TTLL3: variants seen among roughly 807,000 people sequenced by gnomAD.
TTLL3 encodes the protein tubulin monoglycylase TTLL3.
In TTLL3, 63 loss-of-function variants were observed where a neutral mutation model predicts 75.2. The observed-to-expected ratio is 0.84, with a 90% CI of 0.68 to 1.03. TTLL3 has a LOEUF of 1.03. Ranked by LOEUF, TTLL3 falls within the 50% of genes least tolerant of loss-of-function variation. The pLI, the probability that TTLL3 is intolerant of heterozygous loss-of-function variation, is 0.00. For synonymous variants in TTLL3, 393 were observed against 418.5 expected, an observed-to-expected ratio of 0.94 and a Z score of 0.74; for missense variants, 997 against 1,069.9, an observed-to-expected ratio of 0.93 and a Z score of 0.95.
At chr3:9,819,196 G>T (rs3806667) in intron 7 of TTLL3, 404,192 of 465,906 alleles carry the variant, frequency 0.87, 176,285 homozygotes, top group Non-Finnish European at 0.9. Flanking sequence ...TGTTAATCTC[G>T]TCATTCATCT....
rs186651892 is a variant in TTLL3, at chr3:9,835,739, C to A, written c.*250C>A. On this transcript the variant is annotated 3_prime_UTR_variant, in exon 14 of 14. Coordinates refer to ENST00000685419, the MANE Select transcript of TTLL3 (RefSeq NM_001387446.1). ...CTGGGAGCCCCCCAACCCCAGAGAACAAGCCAAGCTAGCAGAATGACACCT... is the reference window on the plus strand; with the variant it reads ...CTGGGAGCCCCCCAACCCCAGAGAAAAAGCCAAGCTAGCAGAATGACACCT... 4.2e-6 allele frequency: 2 copies of A among 481,512 alleles called. No individual in the cohort carries two copies. The highest frequency in any genetic ancestry group is 3.4e-5 in the East Asian group (1 of 29,780). 29.8% of individuals were successfully genotyped at this position (481,512 alleles called of 1,614,324 possible).
intron 2 of TTLL3, among the ~76,000 whole-genome samples, chr3:9,812,041 C>T (rs917130172): frequency 3.3e-5 from 5 of 152,220 alleles, no homozygotes; most frequent in Admixed American, 6.5e-5. Flanking sequence ...GCCTCTGTTT[C>T]ATAGCCCGTA....
rs771068425 is a variant in TTLL3 at position 9,820,737 on chromosome 3, G to A, written c.850G>A (p.Val284Ile). ...SLFLQRYYQV[V>I]HEGAELRHLD... ...CTTCCTCCAGCGCTACTACCAAGTG[G>A]TCCAGTGAGTCCCCTGCAGCTGGGA... Residue 284 changes from valine (V) to isoleucine (I), a missense_variant, in exon 8 of 14, where the codon GTC becomes ATC. Physicochemically the swap from Val to Ile is conservative, Grantham distance 29. Transcript: ENST00000685419. The A allele has an allele frequency of 6.2e-7, 1 of 1,613,860 alleles. No homozygotes were observed. The highest frequency in any genetic ancestry group is 1.1e-5 in the South Asian group (1 of 91,072).
At chr3:9,819,802 G>T in intron 7 of TTLL3, 1 of 985,494 alleles carries the variant, frequency 1.0e-6, no homozygotes, top group Non-Finnish European at 1.2e-6. Flanking sequence ...GCTGTCTCTT[G>T]TGTGTGTCAT....
In TTLL3 at chr3:9,829,203, C is replaced by T. The variant is rs1341273313; in HGVS notation, c.1491C>T (p.Gly497=). The T allele has an allele frequency of 5.6e-6, 9 of 1,614,180 alleles. No homozygotes were observed. Among genetic ancestry groups the T allele is most frequent in the South Asian group, 2.2e-5 (2 of 91,088 alleles). The change falls in exon 11 of 14, where the codon GGC becomes GGT. Residue 497 remains glycine (G), a synonymous_variant. Coordinates refer to ENST00000685419, the MANE Select transcript of TTLL3 (RefSeq NM_001387446.1). ...QCRKASFELY[G]ADFVFGEDFQ... Reference sequence around the variant, plus strand: ...GGAAGGCCAGCTTTGAGCTCTATGGCGCTGACTTCGTGTTCGGGGAGGACT... The same window carrying T: ...GGAAGGCCAGCTTTGAGCTCTATGGTGCTGACTTCGTGTTCGGGGAGGACT...
At chr3:9,813,484 T>A in intron 4 of TTLL3, 139 bp downstream of exon 4, 1 of 1,004,644 alleles carries the variant, frequency 1.0e-6, no homozygotes, top group Non-Finnish European at 1.5e-6. Flanking sequence ...ACTGCTTCTT[T>A]AAAGGCTGGA....
intron 12 of TTLL3, 26 bp downstream of exon 12, chr3:9,833,271 C>T: frequency 6.2e-7 from 1 of 1,612,674 alleles, no homozygotes. Context: ...CCCCTACCCA[C>T]AGGTCAGCTT....
At chr3:9,834,356 C>T (rs530696615) in intron 12 of TTLL3, 20 of 544,688 alleles carry the variant, frequency 3.7e-5, no homozygotes, top group Middle Eastern at 2.8e-4. Context: ...TGCCCCATAC[C>T]GCTACCTGCC....
At position 9,827,226 on chromosome 3, in the gene TTLL3, G is replaced by A. The variant is rs2081124834; in HGVS notation, c.1233G>A (p.Leu411=). 1 of 1,613,982 alleles carries A rather than the reference G, an allele frequency of 6.2e-7. No individual in the cohort carries two copies. The highest frequency in any genetic ancestry group is 8.5e-7 in the Non-Finnish European group (1 of 1,179,930). The change falls in exon 10 of 14, where the codon CTG becomes CTA. Residue 411 remains leucine (L), a synonymous_variant. Transcript: ENST00000685419. ...GCTTTTCCACGCAGCCCTTCTCCCT[G>A]AAGAACCTGGACAAGTGAGCCCCTC... ...YIRFSTQPFS[L]KNLDNSVHLC...
At chr3:9,832,641 A>C (rs929237880) in intron 11 of TTLL3, among the ~76,000 whole-genome samples, 1 of 151,916 alleles carries the variant, frequency 6.6e-6, no homozygotes, top group African/African-American at 2.4e-5. Context: ...CTCTCCACAG[A>C]CTGTCTTCTT....
At chr3:9,825,230 T>C (rs551539731) in intron 8 of TTLL3, among the ~76,000 whole-genome samples, 1 of 152,078 alleles carries the variant, frequency 6.6e-6, no homozygotes, top group African/African-American at 2.4e-5. Flanking sequence ...ATGCCTGTAA[T>C]TCCAACTACT....
At chr3:9,820,084 C>CTG (rs1314434081) in intron 7 of TTLL3, 1 of 994,116 alleles carries the variant, frequency 1.0e-6, no homozygotes, top group Non-Finnish European at 1.2e-6. Context: ...GTTAGTGTTT[C>CTG]TGTGGGCTAA....
chr3:9,819,005 A>G lies in TTLL3; in HGVS notation c.658+85A>G, dbSNP rs190538147. 9.7e-5 allele frequency: 151 copies of G among 1,563,654 alleles called. No individual in the cohort carries two copies. In the East Asian group the frequency reaches 1.3e-3, roughly 13 times the overall value. ...CACCTATCTGCCCTTCTACCTATCT[A>G]TTCATCCACGCACCTACTGGTTCAT... On this transcript the variant is annotated intron_variant, in intron 7 of 13. Coordinates refer to ENST00000685419, the MANE Select transcript of TTLL3 (RefSeq NM_001387446.1).
At position 9,836,300 on chromosome 3, in the gene TTLL3, CAA is replaced by C. The variant is rs760632800; in HGVS notation, c.*825_*826del. ...TGGGAGACAGAGTGAAACCCTAAAT[CAA>C]AAAAAAAAAAAAAGGTCTTTGCAGA... On this transcript the variant is annotated 3_prime_UTR_variant, in exon 14 of 14. Transcript: ENST00000685419. The C allele has an allele frequency of 8.6e-4, 92 of 106,972 alleles. No individual in the cohort carries two copies. Among genetic ancestry groups the C allele is most frequent in the Middle Eastern group, 5.1e-3 (1 of 198 alleles). 6.6% of individuals were successfully genotyped at this position (106,972 alleles called of 1,614,324 possible). A position where few individuals can be genotyped will look rare whatever the true frequency, so the allele number is the denominator to read the frequency against.
At chr3:9,832,335 A>G (rs11131192) in intron 11 of TTLL3, among the ~76,000 whole-genome samples, 133,563 of 152,116 alleles carry the variant, frequency 0.88, 58,851 homozygotes, top group Middle Eastern at 0.91. Context: ...TGATCTGCCA[A>G]CCTTAGCCTC....
intron 7 of TTLL3, chr3:9,820,178 A>AG: frequency 1.2e-5 from 12 of 1,022,056 alleles, no homozygotes; most frequent in Non-Finnish European, 1.4e-5. Flanking sequence ...GACTTGGGGG[A>AG]GGGGCGTTCA....
At chr3:9,814,994 T>A (rs546967356) in intron 4 of TTLL3, among the ~76,000 whole-genome samples, 1 of 151,886 alleles carries the variant, frequency 6.6e-6, no homozygotes, top group Non-Finnish European at 1.5e-5. Context: ...TCGCAGCACT[T>A]TGGGAGGCCA....
rs542284917 is a variant in TTLL3 at position 9,810,798 on chromosome 3, A to G, written c.48+89A>G. ...CTGTTTTCTTATATCCTTAAAAAAC[A>G]AAAGCAAAAGAAAAAACAATAGCAA... is the stretch of plus-strand genomic sequence containing the variant. On this transcript the variant is annotated intron_variant, in intron 2 of 13. Transcript: ENST00000685419. This position sits in a 1 kb window ranked among gnomAD's most constrained non-coding sequence, Gnocchi z 4.4. 301 of 1,243,526 alleles carry G rather than the reference A, an allele frequency of 2.4e-4. 4 individuals carry two copies. The South Asian group carries it at 4.3e-3, about 18-fold the overall frequency. The allele number at this position is 1,243,526 out of a possible 1,614,324, so 77.0% of individuals were successfully genotyped here.
intron 5 of TTLL3, 30 bp downstream of exon 5, chr3:9,816,232 G>A: frequency 7.5e-7 from 1 of 1,333,786 alleles, no homozygotes; most frequent in Non-Finnish European, 1.0e-6. Flanking sequence ...AGGCAGGGCA[G>A]CTTCCGACCC....
Sources: gnomAD v4.1 joint callset for allele counts (sites outside exome capture counted in the v4.1 genomes callset) on GRCh38, gnomAD v4.1.1 for gene constraint, Gnocchi (gnomAD v3.1) non-coding constraint, MANE v1.5 for transcripts, NCBI Gene and HGNC (gene_info 2026-07-23, HGNC 2026-07-21) for gene names.